Variants in LARGE1 observed in about 807,000 individuals in gnomAD.
The protein encoded by LARGE1 is xylosyl- and glucuronyltransferase LARGE1.
A neutral mutation model predicts 87.6 loss-of-function variants in LARGE1; 43 were observed. That is an observed-to-expected ratio of 0.49 (90% confidence interval 0.38 to 0.63). The LOEUF (loss-of-function observed/expected upper bound fraction) is 0.63, where lower values mean the gene tolerates loss of function less well. Among genes scored for constraint, LARGE1 ranks in the 30% least tolerant of loss-of-function variants. The probability of loss-of-function intolerance (pLI) is 0.00; values close to 1 mark genes in which losing one functional copy is unlikely to be tolerated. For synonymous variants in LARGE1, 434 were observed against 394.6 expected, an observed-to-expected ratio of 1.10 and a Z score of -1.18; for missense variants, 802 against 1,000.2, an observed-to-expected ratio of 0.80 and a Z score of 2.67.
At chr22:33,369,240 C>G (rs2064713482) in intron 9 of LARGE1, among the ~76,000 whole-genome samples, 1 of 152,148 alleles carries the variant, frequency 6.6e-6, no homozygotes, top group Admixed American at 6.5e-5. Flanking sequence ...CAGGAAGAGA[C>G]ACAAGTCCAA....
intron 1 of LARGE1, among the ~76,000 whole-genome samples, chr22:33,781,124 T>C (rs1220148229): frequency 6.6e-6 from 1 of 152,232 alleles, no homozygotes; most frequent in Admixed American, 6.5e-5. Context: ...GTTTGGACGT[T>C]TTTCATTTCC....
intron 2 of LARGE1, among the ~76,000 whole-genome samples, chr22:33,666,624 C>G (rs2081274215): frequency 6.6e-6 from 1 of 152,160 alleles, no homozygotes. Context: ...AGCTGCCAGG[C>G]TCAGGTCAGA....
chr22:33,789,750 G>C (rs1176312406), intron 1 of LARGE1, among the ~76,000 whole-genome samples: 6 of 152,176 alleles, frequency 3.9e-5, no homozygotes, highest in Non-Finnish European at 8.8e-5. Flanking sequence ...CATACACAGG[G>C]CCTGTAGTTC....
chr22:33,073,631 G>A, the LARGE1 span, among the ~76,000 whole-genome samples: 1 of 151,492 alleles, frequency 6.6e-6, no homozygotes, highest in Admixed American at 6.6e-5. Flanking sequence ...ATTTCCTCTT[G>A]GCATTCCTTT....
At chr22:33,216,080 G>T (rs1183682335) in intron 11 of LARGE1, among the ~76,000 whole-genome samples, 1 of 152,158 alleles carries the variant, frequency 6.6e-6, no homozygotes, top group Non-Finnish European at 1.5e-5. Flanking sequence ...CAGTTGTCTC[G>T]ATGCCTTTTA....
chr22:33,578,751 T>G (rs2078425902), intron 5 of LARGE1, among the ~76,000 whole-genome samples: 1 of 152,198 alleles, frequency 6.6e-6, no homozygotes, highest in African/African-American at 2.4e-5. Flanking sequence ...ACATGATTAT[T>G]ACACAGTGAA....
chr22:33,140,100 G>A, the LARGE1 span, among the ~76,000 whole-genome samples: 1 of 152,226 alleles, frequency 6.6e-6, no homozygotes, highest in African/African-American at 2.4e-5. Context: ...CTGGGATAGA[G>A]CTTCCTATGA....
At chr22:33,506,786 A>G (rs1234602477) in intron 6 of LARGE1, among the ~76,000 whole-genome samples, 2 of 152,168 alleles carry the variant, frequency 1.3e-5, no homozygotes, top group African/African-American at 4.8e-5. Context: ...CTGTAGTTTC[A>G]GCTACTTGGG....
At chr22:33,262,028 G>C (rs889616520) in intron 11 of LARGE1, among the ~76,000 whole-genome samples, 2 of 152,252 alleles carry the variant, frequency 1.3e-5, no homozygotes, top group African/African-American at 4.8e-5. Context: ...AGCAAACGAT[G>C]CCATGTATTG....
intron 11 of LARGE1, among the ~76,000 whole-genome samples, chr22:33,315,487 T>G (rs1222093316): frequency 2.6e-5 from 4 of 152,182 alleles, no homozygotes; most frequent in Non-Finnish European, 4.4e-5. Context: ...CTGTCCCTCT[T>G]CCTGAGGTAA....
At chr22:33,731,536 A>C (rs2083468690) in intron 2 of LARGE1, among the ~76,000 whole-genome samples, 1 of 152,160 alleles carries the variant, frequency 6.6e-6, no homozygotes, top group Non-Finnish European at 1.5e-5. Context: ...ACAGAGTAGA[A>C]TGGTGCTTCC....
At chr22:33,204,384 C>T (rs1924579156) in intron 11 of LARGE1, among the ~76,000 whole-genome samples, 2 of 152,188 alleles carry the variant, frequency 1.3e-5, no homozygotes, top group Non-Finnish European at 1.5e-5. Context: ...ATCACTAAAA[C>T]CATCAGAGAG....
intron 2 of LARGE1, among the ~76,000 whole-genome samples, chr22:33,705,443 C>G (rs530915022): frequency 1.2e-4 from 19 of 152,274 alleles, no homozygotes; most frequent in Middle Eastern, 3.4e-3. Flanking sequence ...GTTGATCCCA[C>G]CAGTAAGTCA....
At chr22:33,855,560 A>C (rs890646376) in intron 1 of LARGE1, among the ~76,000 whole-genome samples, 2 of 152,112 alleles carry the variant, frequency 1.3e-5, no homozygotes, top group African/African-American at 4.8e-5. Context: ...TCAGAACCCA[A>C]ATGCCACATT....
At chr22:33,104,889 C>CCCTT in the LARGE1 span, among the ~76,000 whole-genome samples, 1 of 89,148 alleles carries the variant, frequency 1.1e-5, no homozygotes, top group African/African-American at 3.4e-5. Flanking sequence ...GACTTTCTCT[C>CCCTT]TCTTTCTTTC....
intron 2 of LARGE1, among the ~76,000 whole-genome samples, chr22:33,655,732 A>AG (rs1230801920): frequency 1.3e-5 from 2 of 152,180 alleles, no homozygotes; most frequent in Non-Finnish European, 2.9e-5. Context: ...CCCTATACTT[A>AG]GCAAGCATTT....
At chr22:33,331,445 T>C (rs990735091) in intron 10 of LARGE1, among the ~76,000 whole-genome samples, 3 of 151,482 alleles carry the variant, frequency 2.0e-5, no homozygotes, top group Non-Finnish European at 4.4e-5. Context: ...CTTGCTCTTG[T>C]TGCCCAGGCT....
chr22:33,347,948 A>T (rs1939943830), intron 9 of LARGE1, among the ~76,000 whole-genome samples: 1 of 152,212 alleles, frequency 6.6e-6, no homozygotes, highest in South Asian at 2.1e-4. Context: ...TTACCAATGA[A>T]GAAGGCTGGA....
intron 1 of LARGE1, among the ~76,000 whole-genome samples, chr22:33,853,052 G>A (rs977858836): frequency 9.9e-5 from 15 of 151,882 alleles, no homozygotes; most frequent in African/African-American, 1.5e-4. Flanking sequence ...AAATGAAGGG[G>A]GGGCCTAAAC....
Sources: allele counts gnomAD v4.1 joint callset (sites outside exome capture counted in the v4.1 genomes callset), GRCh38; gene constraint gnomAD v4.1.1; transcripts MANE v1.5; gene names NCBI Gene and HGNC (gene_info 2026-07-23, HGNC 2026-07-21).